Variants in AP4E1 observed in about 807,000 individuals in gnomAD.
AP4E1 encodes AP-4 complex subunit epsilon-1.
In AP4E1, 56 loss-of-function variants were observed where a neutral mutation model predicts 128.2. The ratio of observed to expected loss-of-function variants is 0.44; its 90% CI spans 0.35 to 0.55. The LOEUF is 0.55. AP4E1 is among the 20% of genes least tolerant of loss of function. The pLI is 0.00. For missense variants in AP4E1, 1,324 were observed against 1,307.7 expected (o/e 1.01, Z -0.19); for synonymous variants, 484 against 473.1 (o/e 1.02, Z -0.30).
intron 19 of AP4E1, 113 bp from the exon 20 acceptor site, chr15:51,000,913 T>C (rs1485722180): frequency 3.4e-6 from 3 of 874,698 alleles, no homozygotes; most frequent in African/African-American, 3.4e-5. Context: ...ATAAATCTTA[T>C]GGGACCCAGA....
intron 15 of AP4E1, among the ~76,000 whole-genome samples, 176 bp from the exon 16 acceptor site, chr15:50,983,846 C>T (rs552109758): frequency 1.3e-5 from 2 of 152,072 alleles, no homozygotes; most frequent in Admixed American, 1.3e-4. Flanking sequence ...TAGACATTTA[C>T]CAAATGGTAG....
rs2064555040 is a variant in AP4E1, at chr15:50,976,604, T to C, written c.1967-7418T>C. ...TTGTTCCTCTTTGCAGATAATATGG[T>C]TTTATTTATAGAAAACCCTAAATTA... On this transcript the variant is annotated intron_variant, in intron 15 of 20. Transcript: ENST00000261842. 1.3e-5 allele frequency among the ~76,000 whole-genome samples: 2 copies of C among 152,192 alleles called. 1 individual carries two copies. Among genetic ancestry groups the C allele is most frequent in the South Asian group, 4.1e-4 (2 of 4,830 alleles).
chr15:50,924,603 G>A (rs1234254401), intron 4 of AP4E1, among the ~76,000 whole-genome samples: 5 of 151,992 alleles, frequency 3.3e-5, no homozygotes. Flanking sequence ...CTATATTAAG[G>A]TTACTAGTAG....
chr15:50,986,586 T>C (rs2064727480), intron 16 of AP4E1, among the ~76,000 whole-genome samples: 1 of 152,216 alleles, frequency 6.6e-6, no homozygotes, highest in Admixed American at 6.5e-5. Context: ...TTGTCTTTGG[T>C]TCTGTTTATA....
intron 16 of AP4E1, 150 bp downstream of exon 16, chr15:50,984,295 T>C (rs2064685553): frequency 1.0e-6 from 1 of 987,340 alleles, no homozygotes; most frequent in African/African-American, 1.7e-5. Flanking sequence ...TTCAGTGGTT[T>C]TCACATAATT....
intron 1 of AP4E1, among the ~76,000 whole-genome samples, chr15:50,911,341 A>G (rs2141124822): frequency 6.6e-6 from 1 of 152,180 alleles, no homozygotes; most frequent in East Asian, 1.9e-4. Flanking sequence ...TTTAAGGGAA[A>G]AAGACCTATT....
chr15:51,002,459 C>T (rs1180463242), intron 20 of AP4E1, 43 bp from the exon 21 acceptor site: 4 of 1,600,728 alleles, frequency 2.5e-6, no homozygotes, highest in Non-Finnish European at 3.4e-6. Flanking sequence ...GTCTGTTTAA[C>T]TCCTTTTGCA....
intron 16 of AP4E1, among the ~76,000 whole-genome samples, chr15:50,989,552 C>G (rs1048002069): frequency 1.3e-5 from 2 of 151,472 alleles, no homozygotes; most frequent in African/African-American, 2.4e-5. Flanking sequence ...TTTTGATACT[C>G]CAAGCATGGG....
chr15:50,955,894 G>A (rs1454441563), intron 13 of AP4E1, among the ~76,000 whole-genome samples: 2 of 152,190 alleles, frequency 1.3e-5, no homozygotes, highest in Non-Finnish European at 2.9e-5. Context: ...TGCTGGTGTG[G>A]GTGGGGCTGC....
At chr15:50,910,316 AGTATACC>A (rs1464391116) in intron 1 of AP4E1, among the ~76,000 whole-genome samples, 2 of 152,148 alleles carry the variant, frequency 1.3e-5, no homozygotes, top group Non-Finnish European at 2.9e-5. Context: ...CGGATTGTGT[AGTATACC>A]GATTCACAGC....
chr15:50,924,528 T>G (rs2063746226), intron 4 of AP4E1, among the ~76,000 whole-genome samples: 1 of 152,130 alleles, frequency 6.6e-6, no homozygotes, highest in Non-Finnish European at 1.5e-5. Flanking sequence ...TTGTTGAGCT[T>G]TTTATCTTGT....
chr15:50,950,232 A>G, intron 13 of AP4E1, 63 bp downstream of exon 13: 1 of 1,186,390 alleles, frequency 8.4e-7, no homozygotes, highest in Non-Finnish European at 1.2e-6. Context: ...AAATGTTAAC[A>G]TATTTTCTTC....
chr15:50,988,097 G>T (rs1009542481), intron 16 of AP4E1, among the ~76,000 whole-genome samples: 1 of 152,032 alleles, frequency 6.6e-6, no homozygotes, highest in Admixed American at 6.6e-5. Context: ...ATATAGAGGT[G>T]AACATAAAAT....
chr15:51,003,529 C>A lies in AP4E1; in HGVS notation c.*867C>A, dbSNP rs2064989545. 6.6e-6 allele frequency: 1 copy of A among 152,342 alleles called. No homozygotes were observed. Among genetic ancestry groups the A allele is most frequent in the Admixed American group, 6.5e-5 (1 of 15,268 alleles). The allele number at this position is 152,342 out of a possible 1,614,324, so 9.4% of individuals were successfully genotyped here. Reference sequence around the variant, plus strand: ...ATTAGAGTATAAATGGCAAAACTATCTTTTCCTGGCCTTTGAATCCACTAG... The same window carrying A: ...ATTAGAGTATAAATGGCAAAACTATATTTTCCTGGCCTTTGAATCCACTAG... On this transcript the variant is annotated 3_prime_UTR_variant, in exon 21 of 21. Transcript: ENST00000261842.
At chr15:50,969,861 A>ATTTTTAGTAGAGACAGGGTTTCACCG (rs2064454651) in intron 15 of AP4E1, among the ~76,000 whole-genome samples, 1 of 151,718 alleles carries the variant, frequency 6.6e-6, no homozygotes, top group Non-Finnish European at 1.5e-5. Flanking sequence ...GGGTTTCACC[A>ATTTTTAGTAGAGACAGGGTTTCACCG]TGTTAGCCAG....
intron 5 of AP4E1, among the ~76,000 whole-genome samples, chr15:50,925,992 C>T (rs928496513): frequency 2.0e-5 from 3 of 151,944 alleles, no homozygotes; most frequent in Non-Finnish European, 4.4e-5. Flanking sequence ...TGTTTCCAAG[C>T]TTAATTTACT....
At chr15:50,924,470 A>T (rs1807513663) in intron 4 of AP4E1, among the ~76,000 whole-genome samples, 1 of 152,130 alleles carries the variant, frequency 6.6e-6, no homozygotes, top group Non-Finnish European at 1.5e-5. Flanking sequence ...CACTCACAAT[A>T]TTTTCTGTTA....
intron 19 of AP4E1, among the ~76,000 whole-genome samples, chr15:51,000,547 G>C (rs559513475): frequency 6.6e-6 from 1 of 152,236 alleles, no homozygotes; most frequent in East Asian, 1.9e-4. Flanking sequence ...AAAAACTTAC[G>C]TTGTGTGATT....
chr15:50,966,599 C>T (rs1009487618), intron 14 of AP4E1, among the ~76,000 whole-genome samples: 42 of 141,670 alleles, frequency 3.0e-4, no homozygotes, highest in African/African-American at 9.5e-4. Flanking sequence ...TGCAATGGTA[C>T]GATCTCGGCT....
Sources: allele counts gnomAD v4.1 joint callset (sites outside exome capture counted in the v4.1 genomes callset), GRCh38; gene constraint gnomAD v4.1.1; transcripts MANE v1.5; gene names NCBI Gene and HGNC (gene_info 2026-07-23, HGNC 2026-07-21).